Variants in CNIH3 observed in about 807,000 individuals in gnomAD.
The protein encoded by CNIH3 is protein cornichon homolog 3.
In CNIH3, 14 loss-of-function variants were observed where a neutral mutation model predicts 24.1. That is an observed-to-expected ratio of 0.58 (90% CI 0.38 to 0.91). The LOEUF is 0.91. Ranked by LOEUF, CNIH3 falls within the 40% of genes least tolerant of loss-of-function variation. CNIH3 has a pLI of 0.00. For synonymous variants in CNIH3, 68 were observed against 73.8 expected, an observed-to-expected ratio of 0.92 and a Z score of 0.40; for missense variants, 178 against 196.8, an observed-to-expected ratio of 0.90 and a Z score of 0.57.
intron 1 of CNIH3, among the ~76,000 whole-genome samples, chr1:224,439,402 G>A (rs1674797839): frequency 6.6e-6 from 1 of 152,026 alleles, no homozygotes; most frequent in Admixed American, 6.5e-5. Context: ...AGACCCATTT[G>A]ATATAAATAA....
intron 1 of CNIH3, chr1:224,435,820 T>C (rs1459800126): frequency 6.6e-6 from 1 of 152,236 alleles, no homozygotes; most frequent in Non-Finnish European, 1.5e-5. Context: ...ATGTATGTGG[T>C]TGATAGCATC....
chr1:224,490,308 T>A (rs1677192881), intron 1 of CNIH3, among the ~76,000 whole-genome samples: 1 of 152,220 alleles, frequency 6.6e-6, no homozygotes, highest in African/African-American at 2.4e-5. Context: ...GGGATAGAGA[T>A]GTTTTTGTTA....
intron 2 of CNIH3, among the ~76,000 whole-genome samples, chr1:224,533,900 T>G (rs186470914): frequency 6.6e-6 from 1 of 152,196 alleles, no homozygotes; most frequent in Non-Finnish European, 1.5e-5. Context: ...AGCAGTGGCT[T>G]GCGCTTGTAA....
chr1:224,660,167 A>T (rs1685279561), intron 1 of CNIH3, among the ~76,000 whole-genome samples: 1 of 152,220 alleles, frequency 6.6e-6, no homozygotes. Flanking sequence ...TTTACAAAAG[A>T]AAGAGTTTTA....
At chr1:224,645,580 T>C (rs7544312) in intron 1 of CNIH3, among the ~76,000 whole-genome samples, 78,542 of 152,164 alleles carry the variant, frequency 0.52, 20,978 homozygotes, top group East Asian at 0.74. Flanking sequence ...TTCCAAAATA[T>C]GGTGGGTGGT....
intron 1 of CNIH3, among the ~76,000 whole-genome samples, chr1:224,435,360 C>T (rs558624600): frequency 6.6e-6 from 1 of 152,246 alleles, no homozygotes; most frequent in Non-Finnish European, 1.5e-5. Flanking sequence ...TTGCTGTACC[C>T]GGGGCCATCC....
chr1:224,513,506 A>T (rs879690163), upstream of CNIH3, among the ~76,000 whole-genome samples: 10 of 151,934 alleles, frequency 6.6e-5, no homozygotes, highest in Non-Finnish European at 1.3e-4. Flanking sequence ...AAATGATTGC[A>T]ATGCCCGAGC....
At chr1:224,680,591 A>G (rs939856746) in intron 1 of CNIH3, among the ~76,000 whole-genome samples, 1 of 152,208 alleles carries the variant, frequency 6.6e-6, no homozygotes, top group African/African-American at 2.4e-5. Flanking sequence ...ACACAAATAA[A>G]AAATAAATAG....
At chr1:224,553,275 A>T (rs1360095166) in intron 3 of CNIH3, among the ~76,000 whole-genome samples, 1 of 150,334 alleles carries the variant, frequency 6.7e-6, no homozygotes, top group Non-Finnish European at 1.5e-5. Flanking sequence ...TAGATATTAC[A>T]AATAATATCA....
chr1:224,482,198 A>G (rs1031287277), intron 1 of CNIH3, among the ~76,000 whole-genome samples: 12 of 152,168 alleles, frequency 7.9e-5, no homozygotes, highest in African/African-American at 2.9e-4. Context: ...GTTTGGAATC[A>G]GGGACCCCAA....
intron 4 of CNIH3, among the ~76,000 whole-genome samples, chr1:224,731,914 G>A (rs1209982682): frequency 6.6e-6 from 1 of 152,274 alleles, no homozygotes; most frequent in Non-Finnish European, 1.5e-5. Context: ...AATAAGAAGA[G>A]ACAGGGTTGG....
At chr1:224,493,380 TTG>T (rs902102304) in intron 1 of CNIH3, among the ~76,000 whole-genome samples, 43 of 151,954 alleles carry the variant, frequency 2.8e-4, no homozygotes, top group African/African-American at 1.0e-3. Flanking sequence ...CGCTGAACGT[TTG>T]TGTGTGTGTG....
At chr1:224,453,962 G>A (rs1374265782) in intron 1 of CNIH3, among the ~76,000 whole-genome samples, 14 of 152,120 alleles carry the variant, frequency 9.2e-5, no homozygotes, top group Admixed American at 2.6e-4. Flanking sequence ...AAAAGATTGC[G>A]CATTAAGAAT....
intron 1 of CNIH3, among the ~76,000 whole-genome samples, chr1:224,622,381 C>G (rs865895503): frequency 6.6e-6 from 1 of 152,190 alleles, no homozygotes; most frequent in Admixed American, 6.5e-5. Flanking sequence ...CACTGGCTAT[C>G]CCTGGAGAGA....
At chr1:224,693,139 C>A (rs1687009570) in intron 3 of CNIH3, among the ~76,000 whole-genome samples, 1 of 152,234 alleles carries the variant, frequency 6.6e-6, no homozygotes, top group Non-Finnish European at 1.5e-5. Flanking sequence ...CCGTGGCAAA[C>A]TCCTTGTTAG....
chr1:224,501,611 C>T (rs1677673841), intron 1 of CNIH3, among the ~76,000 whole-genome samples: 1 of 148,590 alleles, frequency 6.7e-6, no homozygotes, highest in African/African-American at 2.5e-5. Context: ...GATGGAATCT[C>T]GCTCTGTCGC....
chr1:224,699,045 C>T (rs1687334677), intron 3 of CNIH3, among the ~76,000 whole-genome samples: 1 of 152,180 alleles, frequency 6.6e-6, no homozygotes, highest in Admixed American at 6.5e-5. Flanking sequence ...TCTGATAGTC[C>T]TTATGTTCCA....
At position 224,535,369 on chromosome 1, in the gene CNIH3, T is replaced by C. The variant is rs373393912; in HGVS notation, n.344-1567T>C. On this transcript the variant is annotated intron_variant and non_coding_transcript_variant, in intron 2 of 2. Coordinates refer to the CNIH3 transcript ENST00000470602. ...GCAGGTTTTAGAGAAAGCAGGACCC[T>C]GCTGACACCTTGACTTCAGACTTCA... is the stretch of plus-strand genomic sequence containing the variant. 2.0e-5 allele frequency among the ~76,000 whole-genome samples: 3 copies of C among 152,320 alleles called. No individual in the cohort carries two copies. In the South Asian group the frequency reaches 6.2e-4, roughly 32 times the overall value.
At chr1:224,491,782 T>G (rs1677246323) in intron 1 of CNIH3, among the ~76,000 whole-genome samples, 1 of 151,944 alleles carries the variant, frequency 6.6e-6, no homozygotes, top group Admixed American at 6.6e-5. Flanking sequence ...AATTTTTGTA[T>G]TTTTTAGTAG....
Sources: gnomAD v4.1 joint callset for allele counts (sites outside exome capture counted in the v4.1 genomes callset) on GRCh38, gnomAD v4.1.1 for gene constraint, MANE v1.5 for transcripts, NCBI Gene and HGNC (gene_info 2026-07-23, HGNC 2026-07-21) for gene names.